MORF4L1: variants seen among roughly 807,000 people sequenced by gnomAD.
The protein encoded by MORF4L1 is mortality factor 4-like protein 1.
MORF4L1 carries 4 observed loss-of-function variants against 52.9 expected under a neutral mutation model. The observed-to-expected ratio is 0.08, with a 90% CI of 0.04 to 0.17. MORF4L1 has a LOEUF of 0.17. MORF4L1 is among the 10% of genes least tolerant of loss of function. MORF4L1 has a pLI of 1.00. For synonymous variants in MORF4L1, 123 were observed against 134.8 expected (o/e 0.91, Z 0.61); for missense variants, 214 against 390.4 (o/e 0.55, Z 3.81).
At position 78,884,672 on chromosome 15, in the gene MORF4L1, C is replaced by T. The variant is rs201019810; in HGVS notation, c.156-1469C>T. On this transcript the variant is annotated intron_variant, in intron 3 of 11. Transcript: ENST00000426013. ...AAAAAAAAAAAAATACACACACACA[C>T]ACACACACACACACAAATATCTCAA... Among the ~76,000 whole-genome samples the T allele has an allele frequency of 8.7e-4, 122 of 139,998 alleles. 1 individual carries two copies. In the East Asian group the frequency reaches 0.021, roughly 24 times the overall value. The allele number at this position is 139,998 out of a possible 152,430, so 91.8% of individuals were successfully genotyped here.
chr15:78,878,856 T>C (rs945829213), intron 2 of MORF4L1, among the ~76,000 whole-genome samples: 10 of 152,224 alleles, frequency 6.6e-5, no homozygotes, highest in Non-Finnish European at 1.0e-4. Context: ...TATTTAAGAC[T>C]TGACTATACC....
intron 1 of MORF4L1, among the ~76,000 whole-genome samples, chr15:78,874,328 G>A (rs2056436669): frequency 6.6e-6 from 1 of 151,972 alleles, no homozygotes; most frequent in South Asian, 2.1e-4. Flanking sequence ...CGTATTTTAA[G>A]TTTATGGAAT....
chr15:78,884,485 C>T (rs912124083), intron 3 of MORF4L1, among the ~76,000 whole-genome samples: 1 of 151,062 alleles, frequency 6.6e-6, no homozygotes, highest in Non-Finnish European at 1.5e-5. Flanking sequence ...ACTAAAAATA[C>T]AAAATTAGCT....
intron 3 of MORF4L1, among the ~76,000 whole-genome samples, chr15:78,885,359 A>G (rs1192691107): frequency 6.6e-6 from 1 of 152,250 alleles, no homozygotes; most frequent in East Asian, 1.9e-4. Flanking sequence ...GGGAAAAAAC[A>G]CATAATCAGA....
At chr15:78,892,652 C>T (rs1024863726) in intron 8 of MORF4L1, 10 of 175,714 alleles carry the variant, frequency 5.7e-5, no homozygotes, top group Admixed American at 1.8e-4. Context: ...AAGCACACAC[C>T]ACCACCTGCA....
chr15:78,881,718 G>A (rs2141464915), intron 3 of MORF4L1, among the ~76,000 whole-genome samples: 1 of 152,304 alleles, frequency 6.6e-6, no homozygotes, highest in East Asian at 1.9e-4. Context: ...TTTACTATGG[G>A]AGGTTTTACA....
intron 8 of MORF4L1, chr15:78,893,064 G>GAAT (rs1322094505): frequency 6.5e-6 from 1 of 152,876 alleles, no homozygotes; most frequent in East Asian, 1.9e-4. Context: ...GCATTTAATG[G>GAAT]AATAATAGTT....
chr15:78,893,938 A>G, intron 9 of MORF4L1, 120 bp from the exon 10 acceptor site: 1 of 998,710 alleles, frequency 1.0e-6, no homozygotes, highest in Non-Finnish European at 1.5e-6. Context: ...CCCTTTAAAA[A>G]AATCTCAGCT....
intron 4 of MORF4L1, among the ~76,000 whole-genome samples, chr15:78,886,824 G>A (rs1438262692): frequency 6.6e-6 from 1 of 151,914 alleles, no homozygotes; most frequent in East Asian, 1.9e-4. Context: ...GCATGGTGGC[G>A]GGCGCCTGTA....
At chr15:78,885,787 GTT>G (rs772537715) in intron 3 of MORF4L1, among the ~76,000 whole-genome samples, 7 of 152,126 alleles carry the variant, frequency 4.6e-5, no homozygotes, top group Non-Finnish European at 7.4e-5. Flanking sequence ...AAATAACTGA[GTT>G]TTTGACTCCT....
chr15:78,891,060 A>T, intron 6 of MORF4L1, 46 bp downstream of exon 6: 1 of 1,459,426 alleles, frequency 6.9e-7, no homozygotes, highest in Non-Finnish European at 9.3e-7. Flanking sequence ...TACCTCTATG[A>T]CATTGACGTT....
At position 78,890,977 on chromosome 15, in the gene MORF4L1, C is replaced by G; in HGVS notation, c.324-12C>G. 1 of 1,439,146 alleles carries G rather than the reference C, an allele frequency of 6.9e-7. No individual in the cohort carries two copies. Among genetic ancestry groups the G allele is most frequent in the South Asian group, 1.3e-5 (1 of 77,840 alleles). The allele number at this position is 1,439,146 out of a possible 1,614,324, so 89.1% of individuals were successfully genotyped here. ...GGAAATAATTATTTTTCTTTTTTTT[C>G]TCTCCTTTTAGGAAAACGAAAAAGA... is the stretch of plus-strand genomic sequence containing the variant. On this transcript the variant is annotated splice_polypyrimidine_tract_variant and intron_variant, in intron 5 of 11. Transcript: ENST00000426013.
chr15:78,874,240 G>T (rs955923855), intron 1 of MORF4L1, among the ~76,000 whole-genome samples: 1 of 152,160 alleles, frequency 6.6e-6, no homozygotes, highest in African/African-American at 2.4e-5. Context: ...GTCTACATGC[G>T]TACGATTTTT....
chr15:78,896,231 C>T (rs754246103), intron 11 of MORF4L1, among the ~76,000 whole-genome samples: 2 of 151,994 alleles, frequency 1.3e-5, no homozygotes. Context: ...GTGCCTCGGC[C>T]CCCCAAAGTG....
intron 1 of MORF4L1, among the ~76,000 whole-genome samples, chr15:78,876,829 A>T (rs180847303): frequency 5.8e-4 from 88 of 152,344 alleles, no homozygotes; most frequent in Middle Eastern, 3.4e-3. Flanking sequence ...CACTTAAAAG[A>T]ATTATAGAAC....
intron 2 of MORF4L1, among the ~76,000 whole-genome samples, chr15:78,878,477 C>T (rs554015920): frequency 6.6e-6 from 1 of 152,164 alleles, no homozygotes; most frequent in Non-Finnish European, 1.5e-5. Flanking sequence ...TTTTCTTACT[C>T]ATCTGGAAGT....
chr15:78,881,426 C>G (rs1016036145), intron 3 of MORF4L1, among the ~76,000 whole-genome samples: 3 of 151,914 alleles, frequency 2.0e-5, no homozygotes, highest in African/African-American at 7.3e-5. Flanking sequence ...GAACTCTTGA[C>G]CTCAGGTGAT....
At chr15:78,880,833 AATT>A (rs1481744351) in intron 3 of MORF4L1, among the ~76,000 whole-genome samples, 1 of 150,448 alleles carries the variant, frequency 6.6e-6, no homozygotes, top group Non-Finnish European at 1.5e-5. Context: ...ATAGTCAATC[AATT>A]ATTCTGGTTG....
chr15:78,884,999 C>T, intron 3 of MORF4L1: 1 of 1,614,062 alleles, frequency 6.2e-7, no homozygotes, highest in Non-Finnish European at 8.5e-7. Context: ...TCTGAAAAAT[C>T]TTTGAAGACA....
Sources: allele counts gnomAD v4.1 joint callset (sites outside exome capture counted in the v4.1 genomes callset), GRCh38; gene constraint gnomAD v4.1.1; transcripts MANE v1.5; gene names NCBI Gene and HGNC (gene_info 2026-07-23, HGNC 2026-07-21).